The following COL23A1 variants were observed in gnomAD, a reference collection of about 807,000 sequenced individuals.
The protein encoded by COL23A1 is collagen type XXIII alpha 1 chain.
In COL23A1, 97 loss-of-function variants were observed where a neutral mutation model predicts 99.3. That is an observed-to-expected ratio of 0.98 (90% confidence interval 0.83 to 1.16). COL23A1 has a LOEUF of 1.16. Ranked by LOEUF, COL23A1 falls within the 50% of genes most tolerant of loss-of-function variation. The pLI is 0.00. For synonymous variants in COL23A1, 320 were observed against 308.2 expected, an observed-to-expected ratio of 1.04 and a Z score of -0.40; for missense variants, 762 against 757.4, an observed-to-expected ratio of 1.01 and a Z score of -0.07.
chr5:178,405,633 C>T (rs1464667049), intron 2 of COL23A1, among the ~76,000 whole-genome samples: 2 of 152,078 alleles, frequency 1.3e-5, no homozygotes, highest in African/African-American at 2.4e-5. Flanking sequence ...TGAGGATGCA[C>T]GACGACCACC....
intron 11 of COL23A1, among the ~76,000 whole-genome samples, chr5:178,260,318 T>C (rs547260404): frequency 6.6e-6 from 1 of 152,264 alleles, no homozygotes; most frequent in Non-Finnish European, 1.5e-5. Context: ...CAATAAATAA[T>C]AAACCCAGAC....
At chr5:178,539,715 C>T (rs1405389805) in intron 2 of COL23A1, among the ~76,000 whole-genome samples, 12 of 152,028 alleles carry the variant, frequency 7.9e-5, no homozygotes, top group Admixed American at 7.2e-4. Flanking sequence ...AAAAAAGCAA[C>T]ACTAAACCTT....
intron 5 of COL23A1, among the ~76,000 whole-genome samples, chr5:178,286,206 G>C (rs1183202790): frequency 1.3e-5 from 2 of 152,152 alleles, no homozygotes; most frequent in Admixed American, 6.5e-5. Context: ...TCCCTCACCA[G>C]GCCCAGCCTG....
At chr5:178,453,072 C>T (rs939458571) in intron 2 of COL23A1, among the ~76,000 whole-genome samples, 2 of 152,062 alleles carry the variant, frequency 1.3e-5, no homozygotes, top group Non-Finnish European at 1.5e-5. Flanking sequence ...TCCCACACGG[C>T]GAGAAAAACC....
chr5:178,293,899 A>C (rs1214942035), intron 3 of COL23A1, among the ~76,000 whole-genome samples: 1 of 152,042 alleles, frequency 6.6e-6, no homozygotes, highest in Non-Finnish European at 1.5e-5. Flanking sequence ...AGTCTATCAG[A>C]GGAGAGGAGG....
At chr5:178,249,868 C>T (rs528863347) in intron 18 of COL23A1, among the ~76,000 whole-genome samples, 193 bp downstream of exon 18, 1 of 152,278 alleles carries the variant, frequency 6.6e-6, no homozygotes, top group African/African-American at 2.4e-5. Flanking sequence ...GAGCAGGCAA[C>T]TTGCCCAGGG....
Position 178,313,090 on chromosome 5 carries a change from A to G in COL23A1, c.362-6171T>C, listed in dbSNP as rs1758791686. On this transcript the variant is annotated intron_variant, in intron 2 of 28. Transcript: ENST00000390654. The surrounding 1 kb of genome is among the most constrained non-coding windows in gnomAD (Gnocchi z 4.2). The stretch of plus-strand genomic sequence containing the variant: ...TCACGCGATGGGAAGTAAGCCAGAC[A>G]CAGAAAGACAAATACGGAAGGATTC... 2.0e-5 allele frequency among the ~76,000 whole-genome samples: 3 copies of G among 152,182 alleles called. No homozygotes were observed. Among genetic ancestry groups the G allele is most frequent in the Non-Finnish European group, 4.4e-5 (3 of 68,034 alleles).
chr5:178,447,894 G>A lies in COL23A1; in HGVS notation c.361+112788C>T, dbSNP rs575964343. 3.3e-5 allele frequency among the ~76,000 whole-genome samples: 5 copies of A among 152,266 alleles called. No individual in the cohort carries two copies. The South Asian group carries it at 8.3e-4, about 25-fold the overall frequency. The stretch of plus-strand genomic sequence containing the variant: ...GGCAGGTTTAAAGGGGCTGACTCCC[G>A]TTTCTGGTTGGGGCAATGAGCTGAT... On this transcript the variant is annotated intron_variant, in intron 2 of 28. Coordinates refer to ENST00000390654, the MANE Select transcript of COL23A1 (RefSeq NM_173465.4).
chr5:178,392,484 C>T (rs775614581), intron 2 of COL23A1, among the ~76,000 whole-genome samples: 5 of 152,292 alleles, frequency 3.3e-5, no homozygotes, highest in South Asian at 4.1e-4. Context: ...CAGAAGGCCA[C>T]GCCACCTCCA....
chr5:178,542,696 G>C (rs1406211280), intron 2 of COL23A1, among the ~76,000 whole-genome samples: 1 of 147,196 alleles, frequency 6.8e-6, no homozygotes, highest in Non-Finnish European at 1.5e-5. Context: ...AGGTGGAGAG[G>C]AAGGGGGAGG....
chr5:178,587,996 C>A (rs1350982656), intron 1 of COL23A1, among the ~76,000 whole-genome samples: 2 of 152,248 alleles, frequency 1.3e-5, no homozygotes, highest in African/African-American at 4.8e-5. Context: ...GCTTACACTC[C>A]ACGCACAGCA....
intron 5 of COL23A1, among the ~76,000 whole-genome samples, chr5:178,270,677 C>T (rs1292410049): frequency 3.3e-5 from 5 of 152,136 alleles, no homozygotes; most frequent in South Asian, 4.1e-4. Flanking sequence ...ACGGGGTCAG[C>T]GATGAGCCTG....
chr5:178,414,751 G>C (rs1807332), intron 2 of COL23A1, among the ~76,000 whole-genome samples: 2 of 152,160 alleles, frequency 1.3e-5, no homozygotes, highest in Non-Finnish European at 2.9e-5. Context: ...CAGCATGAGT[G>C]ACAGAGTGAG....
chr5:178,282,907 G>A (rs1023566635), intron 5 of COL23A1, among the ~76,000 whole-genome samples: 4 of 151,836 alleles, frequency 2.6e-5, no homozygotes, highest in African/African-American at 9.7e-5. Context: ...GCTCTGCTCT[G>A]TCACCCAGGT....
chr5:178,536,205 G>T (rs1465670146), intron 2 of COL23A1, among the ~76,000 whole-genome samples: 1 of 152,250 alleles, frequency 6.6e-6, no homozygotes, highest in African/African-American at 2.4e-5. Context: ...CTGGGGACGC[G>T]GCTCATGCCG....
At chr5:178,587,012 G>T (rs1005395962) in intron 1 of COL23A1, among the ~76,000 whole-genome samples, 1 of 152,142 alleles carries the variant, frequency 6.6e-6, no homozygotes, top group Non-Finnish European at 1.5e-5. Flanking sequence ...ATTGTAAGCT[G>T]GCATGGTCTC....
intron 17 of COL23A1, among the ~76,000 whole-genome samples, chr5:178,252,151 G>A (rs532562100): frequency 4.4e-4 from 67 of 152,044 alleles, no homozygotes; most frequent in African/African-American, 1.6e-3. Context: ...CTGACCTCAG[G>A]TGATCCACCT....
chr5:178,318,807 C>G (rs1377894030), intron 2 of COL23A1, among the ~76,000 whole-genome samples: 3 of 151,122 alleles, frequency 2.0e-5, no homozygotes, highest in Non-Finnish European at 2.9e-5. Flanking sequence ...GAGGCTGAGG[C>G]AGGAGAATTG....
At chr5:178,330,627 C>T (rs1759967033) in intron 2 of COL23A1, among the ~76,000 whole-genome samples, 1 of 151,522 alleles carries the variant, frequency 6.6e-6, no homozygotes, top group South Asian at 2.1e-4. Flanking sequence ...GCCCTCCAGC[C>T]TGGGTGACAG....
Sources: allele counts gnomAD v4.1 joint callset (sites outside exome capture counted in the v4.1 genomes callset), GRCh38; gene constraint gnomAD v4.1.1; non-coding constraint Gnocchi (gnomAD v3.1); transcripts MANE v1.5; gene names NCBI Gene and HGNC (gene_info 2026-07-23, HGNC 2026-07-21).